THOC2: variants seen among roughly 807,000 people sequenced by gnomAD.
THOC2 encodes the protein THO complex subunit 2, also known as THO complex 2.
THOC2 carries 10 observed loss-of-function variants against 128.4 expected under a neutral mutation model. The ratio of observed to expected loss-of-function variants is 0.08; its 90% confidence interval spans 0.05 to 0.13. The LOEUF is 0.13. THOC2 is among the 10% of genes least tolerant of loss of function. The probability of loss-of-function intolerance (pLI) is 1.00; values close to 1 mark genes in which losing one functional copy is unlikely to be tolerated. For synonymous variants in THOC2, 393 were observed against 396.9 expected (o/e 0.99, Z 0.12); for missense variants, 535 against 1,155.7 (o/e 0.46, Z 7.79).
At chrX:123,681,957 G>C (rs954031215) in intron 8 of THOC2, among the ~76,000 whole-genome samples, 20 of 111,798 alleles carry the variant, frequency 1.8e-4, no homozygotes, top group Non-Finnish European at 3.8e-4. Flanking sequence ...TACTCAGGAG[G>C]CTGAGGCAGG....
chrX:123,704,045 T>C (rs2036616265), intron 3 of THOC2, among the ~76,000 whole-genome samples: 1 of 111,093 alleles, frequency 9.0e-6, no homozygotes, highest in African/African-American at 3.3e-5. Flanking sequence ...AAAAAATGTT[T>C]AAATGTCTAC....
intron 12 of THOC2, among the ~76,000 whole-genome samples, chrX:123,659,260 G>T (rs2048729921): frequency 1.8e-5 from 2 of 112,144 alleles, no homozygotes; most frequent in African/African-American, 6.5e-5. Context: ...CTCCAAGGAT[G>T]GGGCCCAACA....
chrX:123,663,770 C>A (rs2048937969), intron 12 of THOC2, among the ~76,000 whole-genome samples: 1 of 110,434 alleles, frequency 9.1e-6, no homozygotes, highest in Non-Finnish European at 1.9e-5. Flanking sequence ...TCCCTCCCCT[C>A]TCCCCACACC....
chrX:123,611,785 T>C (rs2046709987), intron 36 of THOC2, among the ~76,000 whole-genome samples: 2 of 105,762 alleles, frequency 1.9e-5, no homozygotes, highest in South Asian at 4.3e-4. Context: ...CTCATAAGGA[T>C]CTAGTATCCA....
intron 8 of THOC2, among the ~76,000 whole-genome samples, chrX:123,677,104 C>A (rs1403344262): frequency 1.8e-5 from 2 of 111,623 alleles, no homozygotes; most frequent in East Asian, 5.6e-4. Context: ...AGGCTACAAA[C>A]CTGTACAGCA....
chrX:123,624,953 T>G (rs763862311), intron 25 of THOC2, among the ~76,000 whole-genome samples: 25 of 110,175 alleles, frequency 2.3e-4, no homozygotes, highest in Non-Finnish European at 4.0e-4. Flanking sequence ...AATAAGTTGT[T>G]TTTTTTTTAT....
chrX:123,654,792 T>C (rs868603749), intron 12 of THOC2, among the ~76,000 whole-genome samples: 1 of 71,486 alleles, frequency 1.4e-5, no homozygotes, highest in African/African-American at 4.9e-5. Context: ...AAAGTTTGAA[T>C]AAAACTAGCC....
intron 23 of THOC2, among the ~76,000 whole-genome samples, chrX:123,627,036 C>T (rs1159146115): frequency 4.4e-5 from 5 of 112,372 alleles, no homozygotes; most frequent in East Asian, 2.8e-4. Flanking sequence ...TAGCCTAATG[C>T]TAGTCAAAAA....
At chrX:123,642,240 A>G (rs1224282146) in intron 15 of THOC2, among the ~76,000 whole-genome samples, 2 of 111,069 alleles carry the variant, frequency 1.8e-5, no homozygotes, top group Non-Finnish European at 3.8e-5. Flanking sequence ...CCTGGCCAAC[A>G]TGGTGAAACC....
intron 1 of THOC2, 84 bp downstream of exon 1, chrX:123,732,868 C>T: frequency 9.7e-7 from 1 of 1,026,018 alleles, no homozygotes. Flanking sequence ...CATCTTTCCC[C>T]CTCAACCTCC....
intron 1 of THOC2, among the ~76,000 whole-genome samples, chrX:123,714,052 C>T (rs1486992088): frequency 9.0e-6 from 1 of 111,112 alleles, no homozygotes; most frequent in African/African-American, 3.3e-5. Context: ...GAGAGTGACC[C>T]AATCTCTTAA....
chrX:123,621,010 T>C (rs1423341656), intron 31 of THOC2, 45 bp from the exon 32 acceptor site: 2 of 1,192,627 alleles, frequency 1.7e-6, no homozygotes, highest in Non-Finnish European at 2.3e-6. Context: ...ACATTTCTAG[T>C]TTTCCAAACA....
chrX:123,682,487 C>T (rs145867474), intron 8 of THOC2, among the ~76,000 whole-genome samples: 1,980 of 112,038 alleles, frequency 0.018, 23 homozygotes, highest in Non-Finnish European at 0.026. Flanking sequence ...CACCTTAGAG[C>T]CATTGCATTG....
intron 12 of THOC2, among the ~76,000 whole-genome samples, chrX:123,657,948 C>T (rs1329452467): frequency 1.0e-5 from 1 of 95,571 alleles, no homozygotes; most frequent in African/African-American, 3.9e-5. Context: ...TATTTGATTA[C>T]ATACGCATAT....
chrX:123,705,757 A>T (rs2050901734), intron 3 of THOC2, among the ~76,000 whole-genome samples: 1 of 110,847 alleles, frequency 9.0e-6, no homozygotes, highest in Non-Finnish European at 1.9e-5. Flanking sequence ...CCCTGACAGA[A>T]AAAAAGGCTA....
At chrX:123,622,652 A>G in intron 30 of THOC2, 106 bp downstream of exon 30, 1 of 538,890 alleles carries the variant, frequency 1.9e-6, no homozygotes, top group Non-Finnish European at 2.9e-6. Context: ...CAGAAGTTCG[A>G]GACCAGCCTG....
chrX:123,657,960 CGTGTGTGTGTGTGTGTGTGTGTGTGT>C (rs60969537), intron 12 of THOC2, among the ~76,000 whole-genome samples: 2 of 94,802 alleles, frequency 2.1e-5, no homozygotes, highest in Admixed American at 1.2e-4. Flanking sequence ...TACGCATATG[CGTGTGTGTGTGTGTGTGTGTGTGTGT>C]GTGTGTGTGT....
At chrX:123,610,569 T>G (rs921484013) in intron 38 of THOC2, among the ~76,000 whole-genome samples, 14 of 111,720 alleles carry the variant, frequency 1.3e-4, no homozygotes, top group Admixed American at 4.7e-4. Context: ...TTTCTTCACT[T>G]ATAAAATGCA....
Position 123,646,853 on chromosome X carries a change from T to C in THOC2, c.1387-1478A>G, listed in dbSNP as rs973963656. On this transcript the variant is annotated intron_variant, in intron 12 of 38. Coordinates refer to ENST00000245838, the MANE Select transcript of THOC2 (RefSeq NM_001081550.2). ...ATTCTGGTGGCACATAGGGTGTACA[T>C]TGGGAAGCAAAAATACAGGTATCCT... Among the ~76,000 whole-genome samples, 9 of 111,311 alleles carry C rather than the reference T, an allele frequency of 8.1e-5. No individual in the cohort carries two copies. In the East Asian group the frequency reaches 8.4e-4, roughly 10 times the overall value.
Sources: allele counts gnomAD v4.1 joint callset (sites outside exome capture counted in the v4.1 genomes callset), GRCh38; gene constraint gnomAD v4.1.1; transcripts MANE v1.5; gene names NCBI Gene and HGNC (gene_info 2026-07-23, HGNC 2026-07-21).